Variants in UGT1A8 observed in about 807,000 individuals in gnomAD.
UGT1A8 encodes the protein UDP-glucuronosyltransferase 1A8.
UGT1A8 carries 39 observed loss-of-function variants against 45.3 expected under a neutral mutation model. The observed-to-expected ratio is 0.86, with a 90% CI of 0.67 to 1.12. UGT1A8 has a LOEUF of 1.12. Ranked by LOEUF, UGT1A8 falls within the 50% of genes most tolerant of loss-of-function variation. The pLI is 0.00. For synonymous variants in UGT1A8, 275 were observed against 249.2 expected (o/e 1.10, Z -0.97); for missense variants, 719 against 664.9 (o/e 1.08, Z -0.90).
intron 1 of UGT1A8, chr2:233,719,658 A>C: frequency 1.2e-6 from 2 of 1,614,068 alleles, no homozygotes; most frequent in Non-Finnish European, 1.7e-6. Context: ...TGGGGGCATC[A>C]ACTGTGCCAA....
chr2:233,721,292 C>T (rs1038685514), intron 1 of UGT1A8, among the ~76,000 whole-genome samples: 4 of 152,066 alleles, frequency 2.6e-5, no homozygotes, highest in African/African-American at 9.7e-5. Context: ...ATTAGGAAGG[C>T]ATTTGAATAG....
chr2:233,633,776 T>C (rs2073231668), intron 1 of UGT1A8, among the ~76,000 whole-genome samples: 1 of 152,198 alleles, frequency 6.6e-6, no homozygotes, highest in Non-Finnish European at 1.5e-5. Context: ...GATTCATTGA[T>C]TTTTTGAAGG....
At chr2:233,691,049 G>A (rs751758804) in intron 1 of UGT1A8, 13 of 988,248 alleles carry the variant, frequency 1.3e-5, no homozygotes, top group Non-Finnish European at 1.6e-5. Flanking sequence ...CCACAGCAGA[G>A]TGGAGGTCTA....
At chr2:233,767,763 C>T (rs34082659) in intron 2 of UGT1A8, 86 bp from the exon 3 acceptor site, 28,610 of 1,607,468 alleles carry the variant, frequency 0.018, 380 homozygotes, top group Admixed American at 0.044. Flanking sequence ...CTTCAGAGGA[C>T]CCCTGTTTTC....
intron 1 of UGT1A8, among the ~76,000 whole-genome samples, chr2:233,642,100 C>T (rs569940007): frequency 4.6e-4 from 70 of 152,292 alleles, no homozygotes; most frequent in African/African-American, 1.6e-3. Context: ...ACTTTCTACT[C>T]CTATCTCTTT....
intron 1 of UGT1A8, among the ~76,000 whole-genome samples, chr2:233,766,812 C>T (rs2126028424): frequency 6.6e-6 from 1 of 152,290 alleles, no homozygotes; most frequent in African/African-American, 2.4e-5. Context: ...GATTTTGCAT[C>T]TCAAGGATAA....
intron 1 of UGT1A8, among the ~76,000 whole-genome samples, chr2:233,758,245 A>C (rs1047370626): frequency 6.6e-6 from 1 of 152,214 alleles, no homozygotes; most frequent in African/African-American, 2.4e-5. Flanking sequence ...ATTGCCCACT[A>C]TTCAGATTAG....
chr2:233,680,354 A>T (rs966045404), intron 1 of UGT1A8, among the ~76,000 whole-genome samples: 5 of 152,212 alleles, frequency 3.3e-5, no homozygotes, highest in Admixed American at 3.3e-4. Flanking sequence ...GTCATATCAC[A>T]TGCATTTAGG....
chr2:233,754,685 T>G (rs1172577930), intron 1 of UGT1A8: 1 of 484,648 alleles, frequency 2.1e-6, no homozygotes, highest in African/African-American at 2.0e-5. Context: ...CATCAACTAT[T>G]TCAGTGGAAG....
rs1470817365 is a variant in UGT1A8, at chr2:233,648,350, TTTGACATTAC to T, written c.855+29789_855+29798del. ...TCGGTGGTCTTCGCCAGAGGAATAC[TTTGACATTAC>T]CTTGAAGAAGGTGCACAGTGCCCTG... On this transcript the variant is annotated intron_variant, in intron 1 of 4. Transcript: ENST00000373450. The T allele has an allele frequency of 2.8e-5, 12 of 428,668 alleles. 1 individual carries two copies. Among genetic ancestry groups the T allele is most frequent in the Non-Finnish European group, 5.3e-5 (12 of 226,266 alleles). The allele number at this position is 428,668 out of a possible 1,614,324, so 26.6% of individuals were successfully genotyped here. A position where few individuals can be genotyped will look rare whatever the true frequency, so the allele number is the denominator to read the frequency against.
At chr2:233,637,179 T>G in intron 1 of UGT1A8, 1 of 1,613,994 alleles carries the variant, frequency 6.2e-7, no homozygotes, top group Non-Finnish European at 8.5e-7. Context: ...ACCATTTATT[T>G]TGCCAGTATC....
intron 1 of UGT1A8, among the ~76,000 whole-genome samples, chr2:233,702,882 G>T (rs1405599781): frequency 6.6e-6 from 1 of 152,086 alleles, no homozygotes; most frequent in East Asian, 1.9e-4. Context: ...GAGGACTTTT[G>T]CATCATATCC....
intron 1 of UGT1A8, among the ~76,000 whole-genome samples, chr2:233,715,986 A>G (rs966648830): frequency 1.3e-5 from 2 of 152,140 alleles, no homozygotes; most frequent in African/African-American, 2.4e-5. Context: ...GATTTAAAAC[A>G]CAACAAAACC....
rs999962124 is a variant in UGT1A8 at position 233,747,799 on chromosome 2, A to G, written c.856-19235A>G. The G allele has an allele frequency of 2.5e-6, 4 of 1,613,352 alleles. No homozygotes were observed. The African/African-American group carries it at 4.0e-5, about 16-fold the overall frequency. ...CCAAATCCTTCCTCCTATATTCCTA[A>G]GTTACTAACGACCAATTCAGACCAC... On this transcript the variant is annotated intron_variant, in intron 1 of 4. Coordinates refer to ENST00000373450, the MANE Select transcript of UGT1A8 (RefSeq NM_019076.5).
chr2:233,677,038 C>T (rs1002233788), intron 1 of UGT1A8, among the ~76,000 whole-genome samples: 2 of 151,718 alleles, frequency 1.3e-5, no homozygotes, highest in Non-Finnish European at 2.9e-5. Flanking sequence ...AGGTCTTTTG[C>T]ATTACCATAT....
At chr2:233,655,195 C>T (rs936304155) in intron 1 of UGT1A8, among the ~76,000 whole-genome samples, 2 of 152,170 alleles carry the variant, frequency 1.3e-5, no homozygotes, top group African/African-American at 4.8e-5. Flanking sequence ...ATTACATGGT[C>T]ACAAACAGTG....
chr2:233,760,050 C>T (rs995974685), intron 1 of UGT1A8, among the ~76,000 whole-genome samples: 2 of 152,142 alleles, frequency 1.3e-5, no homozygotes, highest in Admixed American at 6.5e-5. Context: ...TGTGTTCACT[C>T]AAGAATGTGA....
chr2:233,699,590 C>A (rs2075514106), intron 1 of UGT1A8, among the ~76,000 whole-genome samples: 1 of 152,192 alleles, frequency 6.6e-6, no homozygotes, highest in Admixed American at 6.5e-5. Flanking sequence ...ATCCTTTCTT[C>A]CCAGCCTGGT....
intron 1 of UGT1A8, among the ~76,000 whole-genome samples, chr2:233,763,176 T>C (rs1474049260): frequency 6.6e-6 from 1 of 152,268 alleles, no homozygotes; most frequent in Admixed American, 6.5e-5. Context: ...GTTGACTACA[T>C]ATTTGTTGTT....
Sources: gnomAD v4.1 joint callset for allele counts (sites outside exome capture counted in the v4.1 genomes callset) on GRCh38, gnomAD v4.1.1 for gene constraint, MANE v1.5 for transcripts, NCBI Gene and HGNC (gene_info 2026-07-23, HGNC 2026-07-21) for gene names.